HMGCLL1: variants seen among roughly 807,000 people sequenced by gnomAD.
HMGCLL1 encodes 3-hydroxymethyl-3-methylglutaryl-CoA lyase, cytoplasmic.
In HMGCLL1, 36 loss-of-function variants were observed where a neutral mutation model predicts 39.1. The observed-to-expected ratio is 0.92, with a 90% CI of 0.71 to 1.22. The LOEUF (loss-of-function observed/expected upper bound fraction) is 1.22, where lower values mean the gene tolerates loss of function less well. Among genes scored for constraint, HMGCLL1 ranks in the 50% most tolerant of loss-of-function variants. The probability of loss-of-function intolerance (pLI) is 0.00; values close to 1 mark genes in which losing one functional copy is unlikely to be tolerated. For synonymous variants in HMGCLL1, 149 were observed against 144.0 expected (o/e 1.03, Z -0.25); for missense variants, 451 against 416.5 (o/e 1.08, Z -0.72).
chr6:55,435,746 T>C lies in HMGCLL1; in HGVS notation c.939A>G (p.Lys313=). 1 of 1,594,058 alleles carries C rather than the reference T, an allele frequency of 6.3e-7. No individual in the cohort carries two copies. Among genetic ancestry groups the C allele is most frequent in the Non-Finnish European group, 8.6e-7 (1 of 1,166,492 alleles). The change falls in exon 9 of 9, where the codon AAA becomes AAG. Residue 313 remains lysine (K), a synonymous_variant. Transcript: ENST00000274901. ...LGLNTGVNLY[K]VMEAGDFICK... is the part of the protein sequence containing the mutation. ...AAATAAAGTCACCAGCTTCCATCAC[T>C]TTGTATAGATTCACACCCTGGTGAC...
rs772234853 is a variant in HMGCLL1 at position 55,495,520 on chromosome 6, T to C, written c.694A>G (p.Met232Val). Residue 232 changes from methionine to valine, a missense_variant, in exon 7 of 9, where the codon ATG becomes GTG. By Grantham distance (21) the Met-to-Val change is conservative. Coordinates refer to ENST00000274901, the MANE Select transcript of HMGCLL1 (RefSeq NM_001042406.2). ...GVGTPGSMKRMLESVMKEIPP... is the reference protein window; with the variant it reads ...GVGTPGSMKRVLESVMKEIPP... ...ATTTCTTTCATCACACTTTCCAACATTCTTTTCATACTTCCTGGAGTTCCC... is the reference window on the plus strand; with the variant it reads ...ATTTCTTTCATCACACTTTCCAACACTCTTTTCATACTTCCTGGAGTTCCC... 8 of 1,613,854 alleles carry C rather than the reference T, an allele frequency of 5.0e-6. No individual in the cohort carries two copies. Among genetic ancestry groups the C allele is most frequent in the Admixed American group, 1.7e-5 (1 of 59,998 alleles).
chr6:55,445,876 C>G (rs1044188369), intron 7 of HMGCLL1, among the ~76,000 whole-genome samples: 1 of 152,098 alleles, frequency 6.6e-6, no homozygotes, highest in Non-Finnish European at 1.5e-5. Context: ...CAACCCCACT[C>G]ACTGTGTTGC....
chr6:55,655,293 C>T, the HMGCLL1 span, among the ~76,000 whole-genome samples: 5 of 151,838 alleles, frequency 3.3e-5, no homozygotes, highest in Admixed American at 6.6e-5. Flanking sequence ...CTCACCAAAC[C>T]TATTCACTTA....
chr6:55,587,821 T>C, the HMGCLL1 span, among the ~76,000 whole-genome samples: 1 of 152,012 alleles, frequency 6.6e-6, no homozygotes, highest in African/African-American at 2.4e-5. Context: ...CATCACATAA[T>C]GGTAAAGGGA....
rs538190129 is a variant in HMGCLL1 at position 55,568,986 on chromosome 6, G to A, written c.108+9962C>T. Among the ~76,000 whole-genome samples, 26 of 151,974 alleles carry A rather than the reference G, an allele frequency of 1.7e-4. 1 individual carries two copies. Among genetic ancestry groups the A allele is most frequent in the African/African-American group, 6.0e-4 (25 of 41,480 alleles). ...GCCAGAAGACTTGGAGGAGCTCAGA[G>A]CTAATGAAAAAAACAAGAACACAGA... On this transcript the variant is annotated intron_variant, in intron 1 of 8. Transcript: ENST00000274901.
At chr6:55,559,723 T>C (rs911688871) in intron 1 of HMGCLL1, among the ~76,000 whole-genome samples, 1 of 152,142 alleles carries the variant, frequency 6.6e-6, no homozygotes, top group Non-Finnish European at 1.5e-5. Context: ...TGTGCAGAGA[T>C]TGAATCTTAT....
chr6:55,607,080 T>C, the HMGCLL1 span, among the ~76,000 whole-genome samples: 1 of 152,230 alleles, frequency 6.6e-6, no homozygotes, highest in Non-Finnish European at 1.5e-5. Context: ...TAACACTCTC[T>C]GCTTGTCTCT....
chr6:55,518,633 C>A (rs1362471829), intron 3 of HMGCLL1, among the ~76,000 whole-genome samples: 1 of 152,098 alleles, frequency 6.6e-6, no homozygotes, highest in Non-Finnish European at 1.5e-5. Flanking sequence ...GGGAAATCAG[C>A]CAACATCCTG....
chr6:55,633,757 A>G, the HMGCLL1 span, among the ~76,000 whole-genome samples: 1 of 152,048 alleles, frequency 6.6e-6, no homozygotes, highest in South Asian at 2.1e-4. Context: ...GAAGCTCTGT[A>G]GTGACGTTAA....
At chr6:55,672,114 A>G in the HMGCLL1 span, among the ~76,000 whole-genome samples, 1 of 151,774 alleles carries the variant, frequency 6.6e-6, no homozygotes, top group African/African-American at 2.4e-5. Flanking sequence ...TTAAATTTTA[A>G]TTCTTGAGAA....
intron 8 of HMGCLL1, among the ~76,000 whole-genome samples, chr6:55,437,872 C>T (rs1183494942): frequency 6.6e-6 from 1 of 151,940 alleles, no homozygotes; most frequent in Non-Finnish European, 1.5e-5. Context: ...GGAAGGACAA[C>T]CAAAATATTT....
At chr6:55,437,176 TATC>T (rs146846668) in intron 8 of HMGCLL1, among the ~76,000 whole-genome samples, 4,484 of 152,076 alleles carry the variant, frequency 0.029, 205 homozygotes, top group African/African-American at 0.1. Context: ...AACCAGTAGA[TATC>T]ATTATGAAAC....
intron 7 of HMGCLL1, among the ~76,000 whole-genome samples, chr6:55,458,416 G>A (rs1764419918): frequency 6.6e-6 from 1 of 152,140 alleles, no homozygotes; most frequent in South Asian, 2.1e-4. Context: ...ACTCAAGGTG[G>A]GTTAATAAAA....
At chr6:55,584,701 T>A in the HMGCLL1 span, among the ~76,000 whole-genome samples, 2 of 152,072 alleles carry the variant, frequency 1.3e-5, no homozygotes, top group African/African-American at 4.8e-5. Context: ...CAGAGATGGC[T>A]ATTTGAAAGT....
chr6:55,480,807 A>G (rs944740131), intron 7 of HMGCLL1, among the ~76,000 whole-genome samples: 1 of 148,326 alleles, frequency 6.7e-6, no homozygotes, highest in Non-Finnish European at 1.5e-5. Context: ...GCCATAAAAA[A>G]GAATGAGATC....
chr6:55,538,677 C>T (rs549716693), intron 3 of HMGCLL1, among the ~76,000 whole-genome samples: 1 of 152,200 alleles, frequency 6.6e-6, no homozygotes, highest in African/African-American at 2.4e-5. Flanking sequence ...TTCTCTCAGA[C>T]TGATTGATTT....
At chr6:55,515,490 A>T (rs1428756638) in intron 4 of HMGCLL1, among the ~76,000 whole-genome samples, 1 of 152,158 alleles carries the variant, frequency 6.6e-6, no homozygotes, top group East Asian at 1.9e-4. Flanking sequence ...TGCCAATTTT[A>T]CAGATGAAAC....
chr6:55,455,013 GAGA>G (rs1265484406), intron 7 of HMGCLL1, among the ~76,000 whole-genome samples: 2 of 151,428 alleles, frequency 1.3e-5, no homozygotes, highest in Non-Finnish European at 2.9e-5. Context: ...GGGAGACTGA[GAGA>G]AGATCACTTG....
At chr6:55,644,022 C>T in the HMGCLL1 span, among the ~76,000 whole-genome samples, 3 of 151,952 alleles carry the variant, frequency 2.0e-5, no homozygotes, top group Admixed American at 1.3e-4. Context: ...ATTCCTCCCA[C>T]CAGTTTACTC....
Sources: gnomAD v4.1 joint callset for allele counts (sites outside exome capture counted in the v4.1 genomes callset) on GRCh38, gnomAD v4.1.1 for gene constraint, MANE v1.5 for transcripts, NCBI Gene and HGNC (gene_info 2026-07-23, HGNC 2026-07-21) for gene names.